TRIOBP: variants seen among roughly 807,000 people sequenced by gnomAD.
The protein encoded by TRIOBP is TRIO and F-actin binding protein.
TRIOBP carries 169 observed loss-of-function variants against 238.8 expected under a neutral mutation model. The observed-to-expected ratio is 0.71, with a 90% CI of 0.62 to 0.80. The LOEUF is 0.80. Ranked by LOEUF, TRIOBP falls within the 30% of genes least tolerant of loss-of-function variation. The pLI is 0.00. For synonymous variants in TRIOBP, 1,150 were observed against 1,274.4 expected, an observed-to-expected ratio of 0.90 and a Z score of 2.08; for missense variants, 2,838 against 3,122.6, an observed-to-expected ratio of 0.91 and a Z score of 2.17.
Position 37,715,948 on chromosome 22 carries a change from C to G in TRIOBP, c.628+14C>G. On this transcript the variant is annotated intron_variant, in intron 6 of 23. Coordinates refer to ENST00000644935, the MANE Select transcript of TRIOBP (RefSeq NM_001039141.3). ...AGAAAAAGGAGGGTGAGTCCTTCTG[C>G]CAGGTTGGTTCCCATGGTGATGGCC... is the stretch of plus-strand genomic sequence containing the variant. The G allele has an allele frequency of 6.2e-7, 1 of 1,611,942 alleles. No individual in the cohort carries two copies. Among genetic ancestry groups the G allele is most frequent in the Non-Finnish European group, 8.5e-7 (1 of 1,179,752 alleles).
chr22:37,757,681 G>A lies in TRIOBP; in HGVS notation c.5756G>A (p.Gly1919Glu). 6.3e-7 allele frequency: 1 copy of A among 1,588,116 alleles called. No homozygotes were observed. Among genetic ancestry groups the A allele is most frequent in the East Asian group, 2.3e-5 (1 of 43,542 alleles). ...ACCCAGAAGGGCCCCCTGAAGGCAGGGGAGCAGCGGGCGGGCTCTGAGGTC... is the reference window on the plus strand; with the variant it reads ...ACCCAGAAGGGCCCCCTGAAGGCAGAGGAGCAGCGGGCGGGCTCTGAGGTC... Reference protein sequence around the residue: ...YSTQKGPLKAGEQRAGSEVIS... With the variant: ...YSTQKGPLKAEEQRAGSEVIS... Residue 1919 changes from glycine to glutamate, a missense_variant, in exon 16 of 24, where the codon GGG becomes GAG. Physicochemically the swap from Gly to Glu is moderately conservative, Grantham distance 98 (BLOSUM62 -2). Coordinates refer to ENST00000644935, the MANE Select transcript of TRIOBP (RefSeq NM_001039141.3).
At chr22:37,704,847 A>T (rs901655613) in intron 3 of TRIOBP, among the ~76,000 whole-genome samples, 2 of 150,242 alleles carry the variant, frequency 1.3e-5, no homozygotes, top group African/African-American at 4.9e-5. Flanking sequence ...CAGGAAGATC[A>T]CTTGAACTCA....
Position 37,768,087 on chromosome 22 carries a change from G to A in TRIOBP, c.6486G>A (p.Met2162Ile), listed in dbSNP as rs1407667292. 1.2e-6 allele frequency: 2 copies of A among 1,612,684 alleles called. No homozygotes were observed. Among genetic ancestry groups the A allele is most frequent in the South Asian group, 2.2e-5 (2 of 90,698 alleles). The stretch of plus-strand genomic sequence containing the variant: ...CCCTGCTTCCAGCCATTGAAGCCAT[G>A]AAGAAGGCCTACCAGGAAGAGCTGA... The part of the protein sequence containing the change: ...TAATASAIEA[M>I]KKAYQEELSR... The change falls in exon 19 of 24, where the codon ATG becomes ATA. Residue 2162 changes from methionine (M) to isoleucine (I), a missense_variant. By Grantham distance (10) the Met-to-Ile change is conservative. Coordinates refer to ENST00000644935, the MANE Select transcript of TRIOBP (RefSeq NM_001039141.3).
At chr22:37,757,221 G>A (rs548931430) in intron 15 of TRIOBP, among the ~76,000 whole-genome samples, 1 of 152,184 alleles carries the variant, frequency 6.6e-6, no homozygotes, top group African/African-American at 2.4e-5. Flanking sequence ...AAATTAGCTG[G>A]GCGTGGTGGT....
chr22:37,725,738 C>T lies in TRIOBP; in HGVS notation c.3182C>T (p.Pro1061Leu). Reference sequence around the variant, plus strand: ...CACCACGAGCCTCCCTATATACCACCTGCTGTGTGCATTGGACACCGAGAT... The same window carrying T: ...CACCACGAGCCTCCCTATATACCACTTGCTGTGTGCATTGGACACCGAGAT... ...PPHHEPPYIPPAVCIGHRDAP... is the reference protein window; with the variant it reads ...PPHHEPPYIPLAVCIGHRDAP... The change falls in exon 7 of 24, where the codon CCT (proline) becomes CTT (leucine). Residue 1061 changes from proline (P) to leucine (L), a missense_variant. Pro to Leu is a moderately conservative substitution (Grantham distance 98, BLOSUM62 -3). Transcript: ENST00000644935. 1 of 1,612,830 alleles carries T rather than the reference C, an allele frequency of 6.2e-7. No homozygotes were observed. Among genetic ancestry groups the T allele is most frequent in the Non-Finnish European group, 8.5e-7 (1 of 1,179,720 alleles).
At position 37,771,645 on chromosome 22, in the gene TRIOBP, C is replaced by T; in HGVS notation, c.6850-5C>T. 6.2e-7 allele frequency: 1 copy of T among 1,613,316 alleles called. No homozygotes were observed. Among genetic ancestry groups the T allele is most frequent in the Admixed American group, 1.7e-5 (1 of 60,010 alleles). Reference sequence around the variant, plus strand: ...CCTGGGTCAGTCCAGCACCTATATCCCCAGGTGCTGCTTCGCGTAAAAGAA... The same window carrying T: ...CCTGGGTCAGTCCAGCACCTATATCTCCAGGTGCTGCTTCGCGTAAAAGAA... On this transcript the variant is annotated splice_region_variant and splice_polypyrimidine_tract_variant and intron_variant, in intron 21 of 23. Transcript: ENST00000644935.
Position 37,713,325 on chromosome 22 carries a change from G to A in TRIOBP, c.370G>A (p.Gly124Ser). ...GGAGGGCCTGACCACTTCCTTGTGT[G>A]GCAGCTGCAACGAGGACCCCGGCTC... ...YLEGLTTSLCGSCNEDPGSDP... is the reference protein window; with the variant it reads ...YLEGLTTSLCSSCNEDPGSDP... The change falls in exon 5 of 24, where the codon GGC becomes AGC. Residue 124 changes from glycine to serine, a missense_variant. Gly to Ser is a moderately conservative substitution (Grantham distance 56). Transcript: ENST00000644935. 1 of 1,614,040 alleles carries A rather than the reference G, an allele frequency of 6.2e-7. No individual in the cohort carries two copies. Among genetic ancestry groups the A allele is most frequent in the Non-Finnish European group, 8.5e-7 (1 of 1,179,956 alleles).
At chr22:37,765,357 T>C (rs1016850489) in intron 17 of TRIOBP, among the ~76,000 whole-genome samples, 1 of 152,198 alleles carries the variant, frequency 6.6e-6, no homozygotes, top group Admixed American at 6.5e-5. Flanking sequence ...GTGAACGTGC[T>C]GCAACCGTAA....
chr22:37,719,561 A>G (rs1923714320), intron 6 of TRIOBP, among the ~76,000 whole-genome samples: 2 of 152,138 alleles, frequency 1.3e-5, no homozygotes, highest in Non-Finnish European at 2.9e-5. Flanking sequence ...CCACAAGTCA[A>G]TCATGGCTGA....
chr22:37,772,525 G>C (rs1002552126), intron 22 of TRIOBP, 76 bp from the exon 23 acceptor site: 1 of 1,603,506 alleles, frequency 6.2e-7, no homozygotes, highest in Non-Finnish European at 8.5e-7. Flanking sequence ...TCTGGCTGCT[G>C]GTGCTGCCCA....
At chr22:37,739,462 A>C (rs1403580444) in intron 10 of TRIOBP, among the ~76,000 whole-genome samples, 6 of 152,096 alleles carry the variant, frequency 3.9e-5, no homozygotes, top group African/African-American at 1.4e-4. Flanking sequence ...CCCTGCCGTG[A>C]GTCAAAGCTG....
At chr22:37,700,399 T>C (rs1363306394) in intron 2 of TRIOBP, among the ~76,000 whole-genome samples, 1 of 150,926 alleles carries the variant, frequency 6.6e-6, no homozygotes, top group Non-Finnish European at 1.5e-5. Context: ...CACCTCTGCC[T>C]CCCGAGTAGC....
chr22:37,709,882 C>T (rs1257772033), intron 3 of TRIOBP, among the ~76,000 whole-genome samples: 2 of 152,198 alleles, frequency 1.3e-5, no homozygotes, highest in Admixed American at 6.5e-5. Context: ...TTCTGTCCTC[C>T]AAGACCTTGC....
intron 11 of TRIOBP, chr22:37,746,337 G>T (rs1397318418): frequency 5.1e-6 from 6 of 1,166,796 alleles, no homozygotes; most frequent in Non-Finnish European, 6.3e-6. Context: ...CGGCGGCGGG[G>T]TTCCCGCGCC....
At chr22:37,756,321 C>T (rs1416079263) in intron 15 of TRIOBP, among the ~76,000 whole-genome samples, 7 of 152,012 alleles carry the variant, frequency 4.6e-5, no homozygotes, top group African/African-American at 1.7e-4. Flanking sequence ...ATCAGCTGGC[C>T]GTGGTAGGGT....
chr22:37,715,764 A>C lies in TRIOBP; in HGVS notation c.458A>C (p.Asp153Ala). 1 of 1,613,850 alleles carries C rather than the reference A, an allele frequency of 6.2e-7. No homozygotes were observed. Among genetic ancestry groups the C allele is most frequent in the Non-Finnish European group, 8.5e-7 (1 of 1,179,982 alleles). ...PDDTSNSSSV[D>A]WDTVERQEEE... Reference sequence around the variant, plus strand: ...CTTTCTCCTCCCCTTCTCTGGCAGGACTGGGACACTGTTGAGAGGCAGGAG... The same window carrying C: ...CTTTCTCCTCCCCTTCTCTGGCAGGCCTGGGACACTGTTGAGAGGCAGGAG... Residue 153 changes from aspartate (D) to alanine (A), a missense_variant and splice_region_variant, in exon 6 of 24, where the codon GAC becomes GCC. Transcript: ENST00000644935.
In TRIOBP at chr22:37,754,971, C is replaced by G. The variant is rs1925835667; in HGVS notation, c.5474C>G (p.Ser1825Cys). Reference sequence around the variant, plus strand: ...TCAAGTCTCAAATATTACAGAGACTCCACTGCTGAGGAGGTGAGGCCATGG... The same window carrying G: ...TCAAGTCTCAAATATTACAGAGACTGCACTGCTGAGGAGGTGAGGCCATGG... ...TDSSLKYYRDSTAEEADELDG... is the reference protein window; with the variant it reads ...TDSSLKYYRDCTAEEADELDG... Residue 1825 changes from serine (S) to cysteine (C), a missense_variant, in exon 13 of 24, where the codon TCC (serine) becomes TGC (cysteine). By Grantham distance (112) the Ser-to-Cys change is moderately radical (BLOSUM62 -1). Transcript: ENST00000644935. 6.2e-7 allele frequency: 1 copy of G among 1,613,934 alleles called. No individual in the cohort carries two copies. The highest frequency in any genetic ancestry group is 1.3e-5 in the African/African-American group (1 of 74,930).
At chr22:37,753,470 G>T (rs183701131) in intron 12 of TRIOBP, among the ~76,000 whole-genome samples, 22 of 152,222 alleles carry the variant, frequency 1.4e-4, no homozygotes, top group African/African-American at 4.1e-4. Context: ...GTAGAGACAG[G>T]GTTTCTCCAT....
At chr22:37,751,508 G>A (rs975252924) in intron 11 of TRIOBP, 10 of 544,964 alleles carry the variant, frequency 1.8e-5, no homozygotes, top group Non-Finnish European at 3.0e-5. Context: ...AGGCCCCTGG[G>A]ACATCTGGGT....
Sources: allele counts gnomAD v4.1 joint callset (sites outside exome capture counted in the v4.1 genomes callset), GRCh38; gene constraint gnomAD v4.1.1; transcripts MANE v1.5; gene names NCBI Gene and HGNC (gene_info 2026-07-23, HGNC 2026-07-21).